Variants in DST observed in about 807,000 individuals in gnomAD.
The protein encoded by DST is bullous pemphigoid antigen.
Under a neutral mutation model 875.2 loss-of-function variants are expected in DST, and 253 were observed. That is an observed-to-expected ratio of 0.29 (90% CI 0.26 to 0.32). The LOEUF is 0.32. DST is among the 10% of genes least tolerant of loss of function. The pLI is 1.00. For synonymous variants in DST, 3,124 were observed against 3,197.1 expected (o/e 0.98, Z 0.77); for missense variants, 8,287 against 9,111.6 (o/e 0.91, Z 3.68).
At chr6:56,737,059 T>C (rs2099527782) in intron 4 of DST, among the ~76,000 whole-genome samples, 1 of 152,124 alleles carries the variant, frequency 6.6e-6, no homozygotes, top group South Asian at 2.1e-4. Context: ...CCAGACATGG[T>C]GGCATGCACC....
chr6:56,682,203 T>C (rs2099160303), intron 9 of DST, among the ~76,000 whole-genome samples: 1 of 152,154 alleles, frequency 6.6e-6, no homozygotes, highest in South Asian at 2.1e-4. Context: ...GACAGAGTCT[T>C]GCTGTGCCAC....
chr6:56,806,151 A>G (rs1449468955), intron 4 of DST, among the ~76,000 whole-genome samples: 1 of 152,188 alleles, frequency 6.6e-6, no homozygotes, highest in East Asian at 1.9e-4. Flanking sequence ...TCATCTTCTA[A>G]AAAGTTTTAA....
At chr6:56,702,025 T>G in intron 7 of DST, 60 bp from the exon 8 acceptor site, 2 of 977,002 alleles carry the variant, frequency 2.0e-6, no homozygotes, top group Non-Finnish European at 3.2e-6. Context: ...CCATGCTAAT[T>G]TAAATATAAT....
chr6:56,657,569 C>A (rs1172673541), intron 10 of DST, among the ~76,000 whole-genome samples: 2 of 151,730 alleles, frequency 1.3e-5, no homozygotes, highest in Non-Finnish European at 2.9e-5. Context: ...TGGTTGTCAA[C>A]GGGTGGGGGG....
intron 2 of DST, among the ~76,000 whole-genome samples, chr6:56,927,669 G>C (rs940418718): frequency 2.0e-5 from 3 of 152,018 alleles, no homozygotes; most frequent in African/African-American, 7.2e-5. Flanking sequence ...CACCCCCTTT[G>C]ACGAAGAGAA....
chr6:56,571,706 C>T (rs975415720), intron 53 of DST, among the ~76,000 whole-genome samples: 9 of 152,146 alleles, frequency 5.9e-5, no homozygotes, highest in African/African-American at 2.2e-4. Context: ...AATTGCACAT[C>T]GTTTCTGAGT....
intron 80 of DST, 78 bp downstream of exon 80, chr6:56,501,001 AG>A: frequency 7.1e-7 from 1 of 1,408,854 alleles, no homozygotes; most frequent in East Asian, 2.5e-5. Flanking sequence ...ACACGCATAA[AG>A]AAGAAATATA....
intron 4 of DST, among the ~76,000 whole-genome samples, chr6:56,842,876 AC>A (rs2099802018): frequency 6.6e-6 from 1 of 151,838 alleles, no homozygotes; most frequent in Non-Finnish European, 1.5e-5. Flanking sequence ...CGCCCACCCC[AC>A]CATCCTCCCT....
intron 99 of DST, 116 bp downstream of exon 99, chr6:56,465,962 G>A (rs1052511428): frequency 2.1e-4 from 137 of 665,864 alleles, no homozygotes; most frequent in Admixed American, 1.2e-4. Context: ...ACAGACCAAT[G>A]TGAAACATTC....
intron 55 of DST, among the ~76,000 whole-genome samples, chr6:56,562,459 A>G (rs1701251475): frequency 6.6e-6 from 1 of 151,876 alleles, no homozygotes; most frequent in Non-Finnish European, 1.5e-5. Flanking sequence ...ATATTAATTC[A>G]TAAAAATTTT....
intron 4 of DST, among the ~76,000 whole-genome samples, chr6:56,847,845 A>T (rs1274165706): frequency 6.6e-6 from 1 of 152,178 alleles, no homozygotes; most frequent in Non-Finnish European, 1.5e-5. Context: ...TCCATTTATC[A>T]TATTAGACTA....
At chr6:56,465,378 G>T (rs988218618) in intron 99 of DST, among the ~76,000 whole-genome samples, 2 of 151,864 alleles carry the variant, frequency 1.3e-5, no homozygotes, top group African/African-American at 2.4e-5. Context: ...TTCTTGGGGG[G>T]GAAGAAAAAT....
intron 64 of DST, 34 bp from the exon 65 acceptor site, chr6:56,530,167 A>G: frequency 6.7e-7 from 1 of 1,495,268 alleles, no homozygotes; most frequent in Non-Finnish European, 8.9e-7. Context: ...TTAGGGATGA[A>G]GAATGTGTGA....
intron 9 of DST, among the ~76,000 whole-genome samples, chr6:56,674,533 G>A (rs1255226813): frequency 1.3e-5 from 2 of 152,126 alleles, no homozygotes; most frequent in African/African-American, 4.8e-5. Flanking sequence ...CTGACCTCGG[G>A]TGATTCACCC....
chr6:56,770,247 G>A (rs1272695231), intron 4 of DST, among the ~76,000 whole-genome samples: 2 of 152,164 alleles, frequency 1.3e-5, no homozygotes, highest in East Asian at 1.9e-4. Context: ...GACAAATCAT[G>A]AAAAGTCCCA....
intron 4 of DST, among the ~76,000 whole-genome samples, chr6:56,793,308 A>C: frequency 6.6e-6 from 1 of 152,200 alleles, no homozygotes; most frequent in East Asian, 1.9e-4. Context: ...CAACACAAAT[A>C]CTTAATTATT....
intron 93 of DST, 90 bp from the exon 94 acceptor site, chr6:56,472,312 C>T: frequency 6.9e-6 from 8 of 1,159,228 alleles, no homozygotes; most frequent in Non-Finnish European, 8.5e-6. Flanking sequence ...GCTAAGACTG[C>T]ATCAACTTAA....
chr6:56,648,070 T>A (rs2098954170), intron 13 of DST, among the ~76,000 whole-genome samples: 1 of 152,196 alleles, frequency 6.6e-6, no homozygotes, highest in African/African-American at 2.4e-5. Flanking sequence ...TACTAAACCA[T>A]GAATTCACTT....
At chr6:56,886,209 C>T (rs116793245) in intron 3 of DST, among the ~76,000 whole-genome samples, 1 of 152,126 alleles carries the variant, frequency 6.6e-6, no homozygotes, top group African/African-American at 2.4e-5. Flanking sequence ...AAGTTCTCAC[C>T]CAATTCTCTA....
Sources: gnomAD v4.1 joint callset for allele counts (sites outside exome capture counted in the v4.1 genomes callset) on GRCh38, gnomAD v4.1.1 for gene constraint, MANE v1.5 for transcripts, NCBI Gene and HGNC (gene_info 2026-07-23, HGNC 2026-07-21) for gene names.